IL1RAPL2: variants seen among roughly 807,000 people sequenced by gnomAD.
IL1RAPL2 encodes the protein X-linked interleukin-1 receptor accessory protein-like 2.
Under a neutral mutation model 44.1 loss-of-function variants are expected in IL1RAPL2, and 3 were observed. The observed-to-expected ratio is 0.07, with a 90% confidence interval of 0.03 to 0.18. IL1RAPL2 has a LOEUF of 0.18. IL1RAPL2 is among the 10% of genes least tolerant of loss of function. IL1RAPL2 has a pLI of 1.00. For synonymous variants in IL1RAPL2, 181 were observed against 178.8 expected, an observed-to-expected ratio of 1.01 and a Z score of -0.10; for missense variants, 391 against 496.4, an observed-to-expected ratio of 0.79 and a Z score of 2.02.
intron 2 of IL1RAPL2, among the ~76,000 whole-genome samples, chrX:104,910,234 C>T (rs1924190377): frequency 8.9e-6 from 1 of 111,917 alleles, no homozygotes; most frequent in African/African-American, 3.3e-5. Context: ...CGCGCACCCA[C>T]TGACCTGCGC....
intron 5 of IL1RAPL2, among the ~76,000 whole-genome samples, chrX:105,364,279 G>A (rs1360824339): frequency 9.0e-6 from 1 of 111,291 alleles, no homozygotes; most frequent in African/African-American, 3.3e-5. Context: ...ATTGGTCAAT[G>A]TATCTCTTTT....
chrX:104,714,029 GT>G (rs764502473), intron 2 of IL1RAPL2, among the ~76,000 whole-genome samples: 3 of 110,773 alleles, frequency 2.7e-5, no homozygotes, highest in Non-Finnish European at 5.7e-5. Flanking sequence ...AGACTATGGG[GT>G]TTTTTTAGAT....
At chrX:105,347,245 A>T (rs774541193) in intron 5 of IL1RAPL2, among the ~76,000 whole-genome samples, 3 of 111,742 alleles carry the variant, frequency 2.7e-5, no homozygotes, top group Non-Finnish European at 3.8e-5. Context: ...AGCCAATTGC[A>T]CACATACTAT....
rs766165765 is a variant in IL1RAPL2 at position 104,573,699 on chromosome X, T to C, written c.-20+6648T>C. Among the ~76,000 whole-genome samples, 4 of 112,453 alleles carry C rather than the reference T, an allele frequency of 3.6e-5. No homozygotes were observed. In the South Asian group the frequency reaches 1.1e-3, roughly 31 times the overall value. On this transcript the variant is annotated intron_variant, in intron 1 of 10. Transcript: ENST00000372582. Reference sequence around the variant, plus strand: ...GAAGAAAAAATTATAAAGAACTTGATCTATCACGTATAACTTATATTGGAA... The same window carrying C: ...GAAGAAAAAATTATAAAGAACTTGACCTATCACGTATAACTTATATTGGAA...
intron 2 of IL1RAPL2, among the ~76,000 whole-genome samples, chrX:104,849,371 T>TATATATATATATA (rs1298461170): frequency 1.2e-4 from 12 of 96,240 alleles, no homozygotes; most frequent in East Asian, 3.3e-4. Context: ...TATATATGGA[T>TATATATATATATA]TACTTACGGA....
At chrX:105,752,088 C>T (rs763799143) in intron 9 of IL1RAPL2, among the ~76,000 whole-genome samples, 16 of 112,032 alleles carry the variant, frequency 1.4e-4, no homozygotes, top group Non-Finnish European at 3.0e-4. Context: ...ATGATTGCTT[C>T]ATTTATTTAA....
chrX:105,418,094 C>G (rs1414776936), intron 5 of IL1RAPL2, among the ~76,000 whole-genome samples: 2 of 111,015 alleles, frequency 1.8e-5, no homozygotes, highest in Non-Finnish European at 3.8e-5. Flanking sequence ...ATCATAATTA[C>G]TTATCATTTT....
intron 8 of IL1RAPL2, among the ~76,000 whole-genome samples, chrX:105,746,436 G>A (rs1298583246): frequency 8.9e-6 from 1 of 111,733 alleles, no homozygotes; most frequent in Non-Finnish European, 1.9e-5. Flanking sequence ...GAAAATAGAA[G>A]ACAAAAGAAA....
rs767484366 is a variant in IL1RAPL2 at position 105,301,741 on chromosome X, A to C, written c.697+34200A>C. 9.8e-5 allele frequency among the ~76,000 whole-genome samples: 11 copies of C among 112,226 alleles called. No individual in the cohort carries two copies. The South Asian group carries it at 4.1e-3, about 41-fold the overall frequency. ...ATGGCTGAATAGTACTCCATTGTGT[A>C]TATGTACCACATTTTTAAAAATCCA... is the stretch of plus-strand genomic sequence containing the variant. On this transcript the variant is annotated intron_variant, in intron 5 of 10. Coordinates refer to ENST00000372582, the MANE Select transcript of IL1RAPL2 (RefSeq NM_017416.2).
At chrX:104,591,875 T>C (rs1928672590) in intron 1 of IL1RAPL2, among the ~76,000 whole-genome samples, 1 of 110,408 alleles carries the variant, frequency 9.1e-6, no homozygotes, top group Admixed American at 9.8e-5. Context: ...TATGACTTAA[T>C]AGAATCTGGG....
intron 7 of IL1RAPL2, among the ~76,000 whole-genome samples, chrX:105,729,018 T>C (rs1451580191): frequency 9.0e-6 from 1 of 111,360 alleles, no homozygotes; most frequent in African/African-American, 3.2e-5. Context: ...TCACTTAGTA[T>C]ATGCATTTAA....
At chrX:105,447,386 A>T (rs1292676140) in intron 5 of IL1RAPL2, among the ~76,000 whole-genome samples, 1 of 67,814 alleles carries the variant, frequency 1.5e-5, no homozygotes, top group Non-Finnish European at 2.3e-5. Flanking sequence ...TAAATATATA[A>T]ATATAAATAT....
At chrX:104,990,499 GCTT>G (rs756163483) in intron 2 of IL1RAPL2, among the ~76,000 whole-genome samples, 27 of 110,803 alleles carry the variant, frequency 2.4e-4, no homozygotes, top group Non-Finnish European at 4.2e-4. Context: ...CTACATTCAT[GCTT>G]CTTCTTCTTC....
intron 6 of IL1RAPL2, among the ~76,000 whole-genome samples, chrX:105,679,586 A>G (rs1289385530): frequency 8.9e-6 from 1 of 112,097 alleles, no homozygotes; most frequent in Non-Finnish European, 1.9e-5. Flanking sequence ...AGTAGAATTT[A>G]TATATCAGTT....
At chrX:104,674,112 C>T (rs1602673709) in intron 2 of IL1RAPL2, among the ~76,000 whole-genome samples, 1 of 111,639 alleles carries the variant, frequency 9.0e-6, no homozygotes, top group East Asian at 2.8e-4. Flanking sequence ...CCTAATTGCC[C>T]TGGCCAGAAC....
chrX:104,586,110 T>C (rs1928556126), intron 1 of IL1RAPL2, among the ~76,000 whole-genome samples: 1 of 112,016 alleles, frequency 8.9e-6, no homozygotes, highest in Non-Finnish European at 1.9e-5. Context: ...ACATCTGTTA[T>C]TTTAAAACTT....
intron 6 of IL1RAPL2, among the ~76,000 whole-genome samples, chrX:105,710,842 T>C (rs1245545968): frequency 2.8e-5 from 3 of 108,403 alleles, no homozygotes; most frequent in Non-Finnish European, 5.7e-5. Context: ...CAACATTGGC[T>C]GCAAGTGGGT....
At chrX:105,660,632 G>A (rs1212934488) in intron 6 of IL1RAPL2, among the ~76,000 whole-genome samples, 1 of 111,388 alleles carries the variant, frequency 9.0e-6, no homozygotes, top group African/African-American at 3.3e-5. Context: ...GAAGCAGAGG[G>A]ACACAGTTAA....
chrX:104,816,241 C>T (rs775623566), intron 2 of IL1RAPL2, among the ~76,000 whole-genome samples: 1 of 111,984 alleles, frequency 8.9e-6, no homozygotes, highest in African/African-American at 3.2e-5. Context: ...AATTCTAATT[C>T]ATGACTATAG....
Sources: allele counts gnomAD v4.1 joint callset (sites outside exome capture counted in the v4.1 genomes callset), GRCh38; gene constraint gnomAD v4.1.1; transcripts MANE v1.5; gene names NCBI Gene and HGNC (gene_info 2026-07-23, HGNC 2026-07-21).